MELTF: variants seen among roughly 807,000 people sequenced by gnomAD.
The protein encoded by MELTF is antigen p97 (melanoma associated) identified by monoclonal antibodies 133.2 and 96.5.
In MELTF, 67 loss-of-function variants were observed where a neutral mutation model predicts 83.7. The ratio of observed to expected loss-of-function variants is 0.80; its 90% CI spans 0.66 to 0.98. The LOEUF (loss-of-function observed/expected upper bound fraction) is 0.98. Ranked by LOEUF, MELTF falls within the 50% of genes least tolerant of loss-of-function variation. The pLI is 0.00. For synonymous variants in MELTF, 462 were observed against 447.6 expected (o/e 1.03, Z -0.41); for missense variants, 1,002 against 1,035.6 (o/e 0.97, Z 0.44).
At chr3:197,017,027 C>T (rs1560217369) in intron 7 of MELTF, 76 bp downstream of exon 7, 1 of 1,502,758 alleles carries the variant, frequency 6.7e-7, no homozygotes, top group Non-Finnish European at 9.1e-7. Flanking sequence ...CCCTCCTGGT[C>T]CCACCCTGCT....
At chr3:197,015,627 G>C in intron 8 of MELTF, 111 bp from the exon 9 acceptor site, 3 of 1,241,160 alleles carry the variant, frequency 2.4e-6, no homozygotes, top group Non-Finnish European at 3.3e-6. Context: ...GTGTGGCTGG[G>C]ATAAGTTATT....
At position 197,029,552 on chromosome 3, in the gene MELTF, G is replaced by T; in HGVS notation, c.49+102C>A. ...CTGCCTCCCCCGTCTCACTGCCCCG[G>T]AGCCGCAGGCTCAGGCACATTTCCA... On this transcript the variant is annotated intron_variant, in intron 1 of 15. Transcript: ENST00000296350. The surrounding 1 kb of genome is among the most constrained non-coding windows in gnomAD (Gnocchi z 6.5). 1.0e-6 allele frequency: 1 copy of T among 1,002,158 alleles called. No individual in the cohort carries two copies. The highest frequency in any genetic ancestry group is 1.3e-6 in the Non-Finnish European group (1 of 778,486). The allele number at this position is 1,002,158 out of a possible 1,614,324, so 62.1% of individuals were successfully genotyped here.
Position 197,008,822 on chromosome 3 carries a change from G to A in MELTF, c.1669C>T (p.Arg557Cys), listed in dbSNP as rs1719071475. The A allele has an allele frequency of 1.2e-5, 20 of 1,614,138 alleles. No homozygotes were observed. The highest frequency in any genetic ancestry group is 1.7e-5 in the Non-Finnish European group (20 of 1,180,018). ...GNSQERYYGY[R>C]GAFRCLVENA... is the part of the protein sequence containing the mutation. ...CCACCCGGGTACCTGAAGGCGCCGC[G>A]GTAGCCGTAATACCGCTCCTGGCTG... Residue 557 changes from arginine (R) to cysteine (C), a missense_variant, in exon 12 of 16, where the codon CGC becomes TGC. By Grantham distance (180) the Arg-to-Cys change is radical. Coordinates refer to ENST00000296350, the MANE Select transcript of MELTF (RefSeq NM_005929.6). The surrounding 1 kb of genome is among the most constrained non-coding windows in gnomAD (Gnocchi z 5.4).
At chr3:197,019,482 C>T (rs1719531234) in intron 6 of MELTF, 1 of 1,474,158 alleles carries the variant, frequency 6.8e-7, no homozygotes, top group African/African-American at 1.4e-5. Flanking sequence ...GCACGCCTGT[C>T]ATCCCAGCTA....
rs11928299 is a variant in MELTF, at chr3:197,019,724, T to C, written c.712+1680A>G. ...TGCCCAGCACTAGAGCGCATCGTCC[T>C]ACGTGCTTCCTCGTGTGCAGGGCAC... On this transcript the variant is annotated intron_variant, in intron 6 of 15. Transcript: ENST00000296350. 1.2e-3 allele frequency: 1,878 copies of C among 1,612,790 alleles called. 14 individuals are homozygous for C. The African/African-American group carries it at 0.019, about 16-fold the overall frequency.
In MELTF at chr3:197,010,810, GAAGCCAC is replaced by G. The variant is rs747170321; in HGVS notation, c.1234-23_1234-17del. ...CCTGCTCAGCCTGAAGGGAATAGAA[GAAGCCAC>G]TGGGCCGGGGTGGGCCCAGGATGGC... is the stretch of plus-strand genomic sequence containing the variant. On this transcript the variant is annotated splice_polypyrimidine_tract_variant and intron_variant, in intron 9 of 15. Transcript: ENST00000296350. 6.2e-7 allele frequency: 1 copy of G among 1,612,010 alleles called. No individual in the cohort carries two copies.
rs769114869 is a variant in MELTF, at chr3:197,022,940, G to A, written c.644+17C>T. On this transcript the variant is annotated intron_variant, in intron 5 of 15. Coordinates refer to ENST00000296350, the MANE Select transcript of MELTF (RefSeq NM_005929.6). The surrounding 1 kb of genome is among the most constrained non-coding windows in gnomAD (Gnocchi z 5.1). The stretch of plus-strand genomic sequence containing the variant: ...TCCTCCCTGCCCTCGGCCCCTCCCT[G>A]CCCCCACTCCGCTCACCGGAAGGCC... 9 of 1,596,362 alleles carry A rather than the reference G, an allele frequency of 5.6e-6. No homozygotes were observed. The South Asian group carries it at 7.9e-5, about 14-fold the overall frequency.
At chr3:197,015,919 T>TG (rs949170874) in intron 8 of MELTF, among the ~76,000 whole-genome samples, 17 of 152,040 alleles carry the variant, frequency 1.1e-4, no homozygotes, top group Admixed American at 2.6e-4. Flanking sequence ...TGGCCGTGGA[T>TG]GGGGGGGCGA....
Position 197,024,665 on chromosome 3 carries a change from G to A in MELTF, c.305-180C>T, listed in dbSNP as rs1488162909. Among the ~76,000 whole-genome samples the A allele has an allele frequency of 6.6e-6, 1 of 152,250 alleles. No homozygotes were observed. The highest frequency in any genetic ancestry group is 2.4e-5 in the African/African-American group (1 of 41,468). ...AGTGGGCTTCATCTGCATGTATTAA[G>A]AGGCCCTGCCCTCTAGCCTCTTGAG... On this transcript the variant is annotated intron_variant, in intron 3 of 15. Coordinates refer to ENST00000296350, the MANE Select transcript of MELTF (RefSeq NM_005929.6). The surrounding 1 kb of genome is among the most constrained non-coding windows in gnomAD (Gnocchi z 5.3).
chr3:197,017,306 C>A lies in MELTF; in HGVS notation c.713-16G>T, dbSNP rs999160939. On this transcript the variant is annotated splice_polypyrimidine_tract_variant and intron_variant, in intron 6 of 15. Transcript: ENST00000296350. Reference sequence around the variant, plus strand: ...AGCGTCTTCCCTGGGAAGCAGGAAGCCTGGGCTGAGCCAGCTCCGAAAGGG... The same window carrying A: ...AGCGTCTTCCCTGGGAAGCAGGAAGACTGGGCTGAGCCAGCTCCGAAAGGG... 1 of 1,515,974 alleles carries A rather than the reference C, an allele frequency of 6.6e-7. No homozygotes were observed. The highest frequency in any genetic ancestry group is 8.9e-7 in the Non-Finnish European group (1 of 1,128,474). 93.9% of individuals were successfully genotyped at this position (1,515,974 alleles called of 1,614,324 possible). A position where few individuals can be genotyped will look rare whatever the true frequency, so the allele number is the denominator to read the frequency against.
chr3:197,003,171 G>T lies in MELTF; in HGVS notation c.*201C>A. ...CAGGTGGCGGGAGGCGGCGGTTGGC[G>T]GGAAGGGCCGCGCGGGCCCGGGGGC... On this transcript the variant is annotated 3_prime_UTR_variant, in exon 16 of 16. Coordinates refer to ENST00000296350, the MANE Select transcript of MELTF (RefSeq NM_005929.6). This position sits in a 1 kb window ranked among gnomAD's most constrained non-coding sequence, Gnocchi z 6.2. The T allele has an allele frequency of 2.2e-6, 1 of 456,460 alleles. No homozygotes were observed. Among genetic ancestry groups the T allele is most frequent in the Non-Finnish European group, 2.9e-6 (1 of 344,164 alleles). The allele number at this position is 456,460 out of a possible 1,614,324, so 28.3% of individuals were successfully genotyped here. A position where few individuals can be genotyped will look rare whatever the true frequency, so the allele number is the denominator to read the frequency against.
At chr3:197,026,515 G>A (rs1018172050) in intron 3 of MELTF, 145 bp downstream of exon 3, 2 of 685,138 alleles carry the variant, frequency 2.9e-6, no homozygotes, top group South Asian at 1.7e-5. Flanking sequence ...ATTTGAGAGA[G>A]CCTTAGGGCG....
In MELTF at chr3:197,016,349, G is replaced by A. The variant is rs1422629491; in HGVS notation, c.921C>T (p.Gly307=). The A allele has an allele frequency of 4.4e-6, 7 of 1,598,718 alleles. No individual in the cohort carries two copies. The highest frequency in any genetic ancestry group is 2.7e-5 in the African/African-American group (2 of 74,274). The part of the protein sequence containing the change: ...NEGQRLFSHE[G]SSFQMFSSEA... ...CAGAGCTGAACATCTGGAAGCTGCT[G>A]CCCTCGTGGCTGAACAGACGCTGTG... The change falls in exon 8 of 16, where the codon GGC becomes GGT. Residue 307 remains glycine, a synonymous_variant. Transcript: ENST00000296350.
At position 197,021,490 on chromosome 3, in the gene MELTF, G is replaced by A. The variant is rs2148589177; in HGVS notation, c.645-19C>T. On this transcript the variant is annotated intron_variant, in intron 5 of 15. Coordinates refer to ENST00000296350, the MANE Select transcript of MELTF (RefSeq NM_005929.6). ...CAGGCACCTGCGGAGGAGAAGCTGT[G>A]GGTCTGGATGGGCTGAGCCCCTGCC... 1.2e-6 allele frequency: 2 copies of A among 1,612,192 alleles called. No individual in the cohort carries two copies. Among genetic ancestry groups the A allele is most frequent in the Non-Finnish European group, 1.7e-6 (2 of 1,179,416 alleles).
intron 9 of MELTF, 77 bp from the exon 10 acceptor site, chr3:197,010,871 C>T (rs1719165370): frequency 7.5e-7 from 1 of 1,326,976 alleles, no homozygotes; most frequent in Non-Finnish European, 1.1e-6. Flanking sequence ...GTGGAGGTGG[C>T]AGGGCCTGGT....
At chr3:197,023,633 C>T (rs1419890513) in intron 4 of MELTF, among the ~76,000 whole-genome samples, 2 of 152,176 alleles carry the variant, frequency 1.3e-5, no homozygotes, top group Admixed American at 6.5e-5. Flanking sequence ...TCCTGTGCCG[C>T]GCGAGGAGGC....
chr3:197,012,221 C>CT (rs1253609902), intron 9 of MELTF, among the ~76,000 whole-genome samples: 1 of 152,222 alleles, frequency 6.6e-6, no homozygotes, highest in Non-Finnish European at 1.5e-5. Flanking sequence ...GAAGACAGGG[C>CT]TGTGGCCTGG....
rs202022673 is a variant in MELTF at position 197,027,780 on chromosome 3, G to A, written c.180C>T (p.Ala60=). 2.4e-4 allele frequency: 394 copies of A among 1,610,746 alleles called. 2 individuals are homozygous for A. In the Middle Eastern group the frequency reaches 6.0e-3, roughly 24 times the overall value. Residue 60 remains alanine (A), a synonymous_variant, in exon 2 of 16, where the codon GCC becomes GCT. Coordinates refer to ENST00000296350, the MANE Select transcript of MELTF (RefSeq NM_005929.6). The stretch of plus-strand genomic sequence containing the variant: ...CCGCGATGAGCTGGACGCAGTGGTC[G>A]GCGGAGGTGCCCCGGACGCAGAGGA... ...PSLLCVRGTS[A]DHCVQLIAAQ...
chr3:197,018,249 G>C (rs944280635), intron 6 of MELTF, among the ~76,000 whole-genome samples: 1 of 151,734 alleles, frequency 6.6e-6, no homozygotes, highest in Non-Finnish European at 1.5e-5. Context: ...CCGGGTTCAC[G>C]CCATTCTCCT....
Sources: gnomAD v4.1 joint callset for allele counts (sites outside exome capture counted in the v4.1 genomes callset) on GRCh38, gnomAD v4.1.1 for gene constraint, Gnocchi (gnomAD v3.1) non-coding constraint, MANE v1.5 for transcripts, NCBI Gene and HGNC (gene_info 2026-07-23, HGNC 2026-07-21) for gene names.